The following ZNF462 variants were observed in gnomAD, a reference collection of about 807,000 sequenced individuals.
ZNF462 encodes zinc finger PBX1-interacting protein.
Under a neutral mutation model 201.9 loss-of-function variants are expected in ZNF462, and 10 were observed. The observed-to-expected ratio is 0.05, with a 90% CI of 0.03 to 0.08. The LOEUF (loss-of-function observed/expected upper bound fraction) is 0.08, where lower values mean the gene tolerates loss of function less well. ZNF462 is among the 10% of genes least tolerant of loss of function. The probability of loss-of-function intolerance (pLI) is 1.00; values close to 1 mark genes in which losing one functional copy is unlikely to be tolerated. For synonymous variants in ZNF462, 1,227 were observed against 1,193.3 expected (o/e 1.03, Z -0.58); for missense variants, 2,523 against 3,168.3 (o/e 0.80, Z 4.89).
intron 9 of ZNF462, chr9:106,975,120 C>T (rs1014695142): frequency 1.3e-5 from 2 of 152,230 alleles, no homozygotes; most frequent in Non-Finnish European, 2.9e-5. Flanking sequence ...ATTCAAGCTA[C>T]AGGTGGATAG....
chr9:106,925,858 C>T lies in ZNF462; in HGVS notation c.1946C>T (p.Pro649Leu), dbSNP rs1045510089. The part of the protein sequence containing the change: ...LPLENETDSH[P>L]SSSNTVKKSQ... ...TTGGAAAATGAGACAGACAGCCACC[C>T]CTCTTCCAGCAACACTGTGAAGAAA... The change falls in exon 3 of 13, where the codon CCC becomes CTC. Residue 649 changes from proline (P) to leucine (L), a missense_variant. Physicochemically the swap from Pro to Leu is moderately conservative, Grantham distance 98 (BLOSUM62 -3). Around this residue, in one of 15 missense-constraint regions of ZNF462, gnomAD observed 383 missense variants for 453.4 expected, o/e 0.84. Transcript: ENST00000277225. This position sits in a 1 kb window ranked among gnomAD's most constrained non-coding sequence, Gnocchi z 7.9. 3 of 1,614,178 alleles carry T rather than the reference C, an allele frequency of 1.9e-6. No homozygotes were observed. Among genetic ancestry groups the T allele is most frequent in the Non-Finnish European group, 1.7e-6 (2 of 1,180,030 alleles).
chr9:106,965,213 T>C (rs1245542522), intron 7 of ZNF462, among the ~76,000 whole-genome samples: 1 of 152,040 alleles, frequency 6.6e-6, no homozygotes. Context: ...GTGGCGTTGA[T>C]TAAGGATCCC....
chr9:106,911,285 C>G (rs1829538980), intron 1 of ZNF462, among the ~76,000 whole-genome samples: 1 of 152,166 alleles, frequency 6.6e-6, no homozygotes, highest in Non-Finnish European at 1.5e-5. Flanking sequence ...TAGTTGTCTC[C>G]TGTGCTCTTC....
At chr9:106,947,903 T>G (rs1831178140) in intron 7 of ZNF462, among the ~76,000 whole-genome samples, 1 of 152,202 alleles carries the variant, frequency 6.6e-6, no homozygotes, top group Non-Finnish European at 1.5e-5. Context: ...AAGACAAGTG[T>G]TTATTACTTA....
At chr9:106,894,638 C>T (rs1828734381) in intron 1 of ZNF462, among the ~76,000 whole-genome samples, 1 of 152,144 alleles carries the variant, frequency 6.6e-6, no homozygotes, top group African/African-American at 2.4e-5. Flanking sequence ...AGGAATCCTT[C>T]AAGGTTTTCT....
chr9:106,892,336 C>T (rs1357929514), intron 1 of ZNF462, among the ~76,000 whole-genome samples: 1 of 152,156 alleles, frequency 6.6e-6, no homozygotes, highest in Non-Finnish European at 1.5e-5. Context: ...GTAAGCATAT[C>T]ATGCAGGCTT....
chr9:107,009,766 C>A lies in ZNF462; in HGVS notation c.7313+98C>A, dbSNP rs1588213343. The A allele has an allele frequency of 6.6e-7, 1 of 1,520,814 alleles. No homozygotes were observed. The highest frequency in any genetic ancestry group is 2.3e-5 in the East Asian group (1 of 43,372). 94.2% of individuals were successfully genotyped at this position (1,520,814 alleles called of 1,614,324 possible). Reference sequence around the variant, plus strand: ...GGTTCCCCTGACAGTATGTACACCCCTCTGTGTCACATTTCTGGGCCGTGG... The same window carrying A: ...GGTTCCCCTGACAGTATGTACACCCATCTGTGTCACATTTCTGGGCCGTGG... On this transcript the variant is annotated intron_variant, in intron 12 of 12. Transcript: ENST00000277225. This position sits in a 1 kb window ranked among gnomAD's most constrained non-coding sequence, Gnocchi z 6.1.
chr9:106,907,211 A>G (rs889427069), intron 1 of ZNF462, among the ~76,000 whole-genome samples: 5 of 152,086 alleles, frequency 3.3e-5, no homozygotes, highest in African/African-American at 1.2e-4. Flanking sequence ...CTGCCTCAAT[A>G]TTTCTAAGTG....
Position 106,932,170 on chromosome 9 carries a change from T to G in ZNF462, c.6013-276T>G, listed in dbSNP as rs1489032517. ...CTTTGACAAGAAGTGCTGTTGAGTT[T>G]GGGAGAATGTAGGGAGAAAAAGAAA... is the stretch of plus-strand genomic sequence containing the variant. On this transcript the variant is annotated intron_variant, in intron 4 of 12. Transcript: ENST00000277225. This position sits in a 1 kb window ranked among gnomAD's most constrained non-coding sequence, Gnocchi z 6.8. 8.7e-6 allele frequency: 13 copies of G among 1,501,892 alleles called. No individual in the cohort carries two copies. Among genetic ancestry groups the G allele is most frequent in the Non-Finnish European group, 1.1e-5 (12 of 1,127,830 alleles). The allele number at this position is 1,501,892 out of a possible 1,614,324, so 93.0% of individuals were successfully genotyped here. A position where few individuals can be genotyped will look rare whatever the true frequency, so the allele number is the denominator to read the frequency against.
rs1472878957 is a variant in ZNF462, at chr9:106,954,516, A to G, written c.6427+15409A>G. ...CATATCAGCCTGTTTAAAAGAGGAA[A>G]AAAAAAAAAAACTCAGTCAATATTC... On this transcript the variant is annotated intron_variant, in intron 7 of 12. Transcript: ENST00000277225. The surrounding 1 kb of genome is among the most constrained non-coding windows in gnomAD (Gnocchi z 4.0). Among the ~76,000 whole-genome samples the G allele has an allele frequency of 1.3e-5, 2 of 152,008 alleles. No individual in the cohort carries two copies. Among genetic ancestry groups the G allele is most frequent in the Non-Finnish European group, 2.9e-5 (2 of 67,996 alleles).
chr9:106,901,316 A>G (rs1342561633), intron 1 of ZNF462, among the ~76,000 whole-genome samples: 2 of 152,030 alleles, frequency 1.3e-5, no homozygotes, highest in Non-Finnish European at 2.9e-5. Context: ...TTTGGTGACT[A>G]TGCCCTTACA....
chr9:107,009,700 C>G lies in ZNF462; in HGVS notation c.7313+32C>G. The G allele has an allele frequency of 6.2e-7, 1 of 1,608,962 alleles. No individual in the cohort carries two copies. The highest frequency in any genetic ancestry group is 8.5e-7 in the Non-Finnish European group (1 of 1,177,594). ...TGGGCCACTTCAAGGATGCCTTTGTCCAAAGCAAGAGGTAGGGAGGGAGGG... is the reference window on the plus strand; with the variant it reads ...TGGGCCACTTCAAGGATGCCTTTGTGCAAAGCAAGAGGTAGGGAGGGAGGG... On this transcript the variant is annotated intron_variant, in intron 12 of 12. Transcript: ENST00000277225. The surrounding 1 kb of genome is among the most constrained non-coding windows in gnomAD (Gnocchi z 6.1).
rs976286425 is a variant in ZNF462 at position 106,917,937 on chromosome 9, C to T, written c.-30-5417C>T. Among the ~76,000 whole-genome samples the T allele has an allele frequency of 5.3e-5, 8 of 151,398 alleles. No homozygotes were observed. The highest frequency in any genetic ancestry group is 7.4e-5 in the Non-Finnish European group (5 of 67,938). On this transcript the variant is annotated intron_variant, in intron 1 of 12. Transcript: ENST00000277225. This position sits in a 1 kb window ranked among gnomAD's most constrained non-coding sequence, Gnocchi z 4.5. ...TGCCACCCAGGCTGGAGTGCAGTGG[C>T]GCGATCTCGGCTCACTGCAACCTTC...
intron 1 of ZNF462, among the ~76,000 whole-genome samples, chr9:106,904,328 G>C (rs1308056088): frequency 6.6e-6 from 1 of 152,090 alleles, no homozygotes; most frequent in African/African-American, 2.4e-5. Flanking sequence ...TCCTTTATAG[G>C]TTACCTGGTG....
intron 1 of ZNF462, among the ~76,000 whole-genome samples, chr9:106,887,823 C>T (rs555967636): frequency 5.8e-4 from 88 of 152,242 alleles, no homozygotes; most frequent in African/African-American, 2.0e-3. Context: ...GTTATCGTTA[C>T]ATAGTTTATG....
chr9:106,924,490 C>G lies in ZNF462; in HGVS notation c.578C>G (p.Thr193Ser), dbSNP rs972686849. Residue 193 changes from threonine (T) to serine (S), a missense_variant, in exon 3 of 13, where the codon ACT becomes AGT. By Grantham distance (58) the Thr-to-Ser change is moderately conservative (BLOSUM62 1). Around this residue, in one of 15 missense-constraint regions of ZNF462, gnomAD observed 480 missense variants for 544.4 expected, o/e 0.88. Transcript: ENST00000277225. The surrounding 1 kb of genome is among the most constrained non-coding windows in gnomAD (Gnocchi z 6.2). ...MYHKNNLKET[T>S]APPPAPAPMP... ...CACAAAAACAATTTGAAGGAGACCA[C>G]TGCTCCCCCACCTGCTCCTGCTCCA... is the stretch of plus-strand genomic sequence containing the variant. 6.2e-7 allele frequency: 1 copy of G among 1,614,182 alleles called. No individual in the cohort carries two copies. Among genetic ancestry groups the G allele is most frequent in the Admixed American group, 1.7e-5 (1 of 60,022 alleles).
Position 107,009,510 on chromosome 9 carries a change from A to C in ZNF462, c.7190-35A>C. On this transcript the variant is annotated intron_variant, in intron 11 of 12. Coordinates refer to ENST00000277225, the MANE Select transcript of ZNF462 (RefSeq NM_021224.6). The surrounding 1 kb of genome is among the most constrained non-coding windows in gnomAD (Gnocchi z 6.1). ...ACTTACCTATTCTGCTGATTCCCAC[A>C]GCACACAGGTAACACTTCTGCTTTC... is the stretch of plus-strand genomic sequence containing the variant. The C allele has an allele frequency of 6.2e-7, 1 of 1,612,776 alleles. No individual in the cohort carries two copies.
chr9:106,994,770 A>G (rs897983151), intron 10 of ZNF462, among the ~76,000 whole-genome samples: 16 of 152,126 alleles, frequency 1.1e-4, no homozygotes, highest in Non-Finnish European at 2.2e-4. Flanking sequence ...GTATTTCTCA[A>G]ATAGACATTT....
At chr9:106,868,866 T>C (rs538570378) in intron 1 of ZNF462, among the ~76,000 whole-genome samples, 1 of 152,322 alleles carries the variant, frequency 6.6e-6, no homozygotes, top group East Asian at 1.9e-4. Flanking sequence ...CATACACTAG[T>C]GGGCAGGAGT....
Sources: allele counts gnomAD v4.1 joint callset (sites outside exome capture counted in the v4.1 genomes callset), GRCh38; gene constraint gnomAD v4.1.1; regional missense constraint gnomAD v4.1.1; non-coding constraint Gnocchi (gnomAD v3.1); transcripts MANE v1.5; gene names NCBI Gene and HGNC (gene_info 2026-07-23, HGNC 2026-07-21).